TRIM14: variants seen among roughly 807,000 people sequenced by gnomAD.
TRIM14 encodes the protein tripartite motif-containing protein 14.
In TRIM14, 28 loss-of-function variants were observed where a neutral mutation model predicts 44.5. The observed-to-expected ratio is 0.63, with a 90% CI of 0.47 to 0.86. The LOEUF is 0.86. Ranked by LOEUF, TRIM14 falls within the 40% of genes least tolerant of loss-of-function variation. TRIM14 has a pLI of 0.00. For synonymous variants in TRIM14, 299 were observed against 269.2 expected (o/e 1.11, Z -1.08); for missense variants, 607 against 611.1 (o/e 0.99, Z 0.07).
the TRIM14 span, among the ~76,000 whole-genome samples, chr9:98,060,141 C>T: frequency 6.6e-6 from 1 of 152,266 alleles, no homozygotes; most frequent in Admixed American, 6.5e-5. Context: ...ATTCTTTGCT[C>T]AGTTATATAA....
chr9:98,103,672 A>T (rs1180231618), intron 2 of TRIM14, among the ~76,000 whole-genome samples: 2 of 152,002 alleles, frequency 1.3e-5, no homozygotes, highest in Admixed American at 6.6e-5. Context: ...CCCTGTCTCT[A>T]CTAAAGATAT....
chr9:98,056,208 TTG>T, the TRIM14 span, among the ~76,000 whole-genome samples: 30 of 152,260 alleles, frequency 2.0e-4, no homozygotes, highest in East Asian at 5.8e-3. Flanking sequence ...AAGCCAAGTA[TTG>T]TGATCAGGGG....
chr9:98,089,045 T>C (rs1397048103), intron 5 of TRIM14, among the ~76,000 whole-genome samples: 1 of 152,240 alleles, frequency 6.6e-6, no homozygotes, highest in African/African-American at 2.4e-5. Flanking sequence ...GTGACTAATG[T>C]TGCTATAACT....
Position 98,087,429 on chromosome 9 carries a change from A to T in TRIM14, c.*41T>A, listed in dbSNP as rs1168129666. On this transcript the variant is annotated 3_prime_UTR_variant, in exon 6 of 6. Transcript: ENST00000341469. ...CTAGGTAGATTAGGCGAGACTGGGC[A>T]GCTGCGGCGTACCTGGAGGCTGTCA... The T allele has an allele frequency of 6.2e-7, 1 of 1,608,410 alleles. No individual in the cohort carries two copies. Among genetic ancestry groups the T allele is most frequent in the South Asian group, 1.1e-5 (1 of 90,678 alleles).
intron 6 of TRIM14, among the ~76,000 whole-genome samples, chr9:98,073,004 C>A (rs977723662): frequency 4.6e-5 from 7 of 152,156 alleles, no homozygotes; most frequent in Admixed American, 2.6e-4. Context: ...GGCTGTGGAA[C>A]TCAGGTGAAA....
downstream of TRIM14, among the ~76,000 whole-genome samples, chr9:98,066,651 C>T (rs778532508): frequency 4.1e-5 from 6 of 145,424 alleles, no homozygotes; most frequent in Non-Finnish European, 9.1e-5. Context: ...AACCACTTAC[C>T]GATTTTTTTT....
intron 5 of TRIM14, among the ~76,000 whole-genome samples, chr9:98,088,696 C>T (rs1825890674): frequency 6.6e-6 from 1 of 152,148 alleles, no homozygotes; most frequent in Non-Finnish European, 1.5e-5. Context: ...CTTAGTCCTC[C>T]GTTTAAAAAG....
the TRIM14 span, among the ~76,000 whole-genome samples, chr9:98,060,498 G>T: frequency 6.6e-6 from 1 of 152,088 alleles, no homozygotes; most frequent in Admixed American, 6.6e-5. Context: ...GCGAAACCTT[G>T]TCTTTACTAA....
At chr9:98,105,081 C>T (rs1826554982) in intron 2 of TRIM14, among the ~76,000 whole-genome samples, 1 of 152,212 alleles carries the variant, frequency 6.6e-6, no homozygotes, top group Non-Finnish European at 1.5e-5. Context: ...AGCAGCATGG[C>T]CTGGCAGGGT....
rs1410183686 is a variant in TRIM14, at chr9:98,095,330, C to G, written c.538-301G>C. On this transcript the variant is annotated intron_variant, in intron 3 of 5. Transcript: ENST00000341469. The surrounding 1 kb of genome is among the most constrained non-coding windows in gnomAD (Gnocchi z 4.1). ...TTCATTGAAACCTACTCTGTGCCAG[C>G]TATGCATGCAGAAGGCAGGGTCAGG... is the stretch of plus-strand genomic sequence containing the variant. Among the ~76,000 whole-genome samples the G allele has an allele frequency of 1.3e-5, 2 of 152,234 alleles. No individual in the cohort carries two copies. Among genetic ancestry groups the G allele is most frequent in the Non-Finnish European group, 2.9e-5 (2 of 68,038 alleles).
intron 5 of TRIM14, 30 bp downstream of exon 5, chr9:98,091,879 C>G (rs1826005733): frequency 1.3e-6 from 2 of 1,522,446 alleles, no homozygotes; most frequent in Admixed American, 3.6e-5. Context: ...TCCACCGTCT[C>G]CACCCTATCC....
chr9:98,094,349 C>T (rs1261047021), intron 4 of TRIM14, among the ~76,000 whole-genome samples: 1 of 152,128 alleles, frequency 6.6e-6, no homozygotes, highest in Admixed American at 6.5e-5. Flanking sequence ...CACGTGCTTA[C>T]AAGGGGCAAG....
downstream of TRIM14, among the ~76,000 whole-genome samples, chr9:98,067,834 A>C (rs1262854800): frequency 6.6e-6 from 1 of 151,460 alleles, no homozygotes; most frequent in East Asian, 1.9e-4. Flanking sequence ...CAATCCTCCC[A>C]CCTCAGCCTC....
chr9:98,036,060 T>G, the TRIM14 span, among the ~76,000 whole-genome samples: 4 of 151,088 alleles, frequency 2.6e-5, no homozygotes, highest in African/African-American at 9.7e-5. Flanking sequence ...AATACAAAAA[T>G]TAGCCAGGCG....
At chr9:98,066,034 G>A (rs1004149917), downstream of TRIM14, among the ~76,000 whole-genome samples, 1 of 152,150 alleles carries the variant, frequency 6.6e-6, no homozygotes, top group African/African-American at 2.4e-5. Context: ...TAACCTGGTT[G>A]TTAAAAATAA....
rs769099347 is a variant in TRIM14, at chr9:98,087,727, T to G, written c.1072A>C (p.Asn358His). ...GASAAARLGC[N>H]RQSWCLKRYD... ...CGCTTGAGGCACCAGGACTGGCGGT[T>G]GCAGCCCAGGCGGGCGGCGGCCGAG... is the stretch of plus-strand genomic sequence containing the variant. Residue 358 changes from asparagine to histidine, a missense_variant, in exon 6 of 6, where the codon AAC (asparagine) becomes CAC (histidine). This residue lies in a region of TRIM14 where 356 missense variants were observed against 323.0 expected (regional missense o/e 1.10). Coordinates refer to ENST00000341469, the MANE Select transcript of TRIM14 (RefSeq NM_014788.4). 20 of 1,589,218 alleles carry G rather than the reference T, an allele frequency of 1.3e-5. No homozygotes were observed. The highest frequency in any genetic ancestry group is 1.7e-5 in the Non-Finnish European group (20 of 1,175,016).
chr9:98,078,607 G>T (rs534102865), intron 6 of TRIM14, among the ~76,000 whole-genome samples: 2 of 152,028 alleles, frequency 1.3e-5, no homozygotes, highest in South Asian at 2.1e-4. Flanking sequence ...AGGTCGAGGT[G>T]GGCAGATCAC....
the TRIM14 span, among the ~76,000 whole-genome samples, chr9:98,061,481 TAA>T: frequency 4.2e-4 from 31 of 74,572 alleles, no homozygotes; most frequent in Admixed American, 1.1e-3. Flanking sequence ...CATCTCAAAT[TAA>T]AAAAAAAAAA....
At chr9:98,096,300 A>C (rs1826183890) in intron 3 of TRIM14, among the ~76,000 whole-genome samples, 1 of 152,140 alleles carries the variant, frequency 6.6e-6, no homozygotes, top group Non-Finnish European at 1.5e-5. Context: ...TTGGTGGGGA[A>C]CCAGGCCTAA....
Sources: allele counts gnomAD v4.1 joint callset (sites outside exome capture counted in the v4.1 genomes callset), GRCh38; gene constraint gnomAD v4.1.1; regional missense constraint gnomAD v4.1.1; non-coding constraint Gnocchi (gnomAD v3.1); transcripts MANE v1.5; gene names NCBI Gene and HGNC (gene_info 2026-07-23, HGNC 2026-07-21).